NRK: variants seen among roughly 807,000 people sequenced by gnomAD.
NRK encodes the protein nik-related protein kinase.
A neutral mutation model predicts 125.2 loss-of-function variants in NRK; 67 were observed. That is an observed-to-expected ratio of 0.54 (90% CI 0.44 to 0.66). The LOEUF (loss-of-function observed/expected upper bound fraction) is 0.66, where lower values mean the gene tolerates loss of function less well. Among genes scored for constraint, NRK ranks in the 30% least tolerant of loss-of-function variants. NRK has a pLI of 0.00. For synonymous variants in NRK, 458 were observed against 429.0 expected (o/e 1.07, Z -0.84); for missense variants, 1,224 against 1,192.9 (o/e 1.03, Z -0.38).
rs771874766 is a variant in NRK at position 105,941,555 on chromosome X, A to AAGAGAGAGAGAGAGAG, written c.3958+1545_3958+1560dup. On this transcript the variant is annotated intron_variant, in intron 23 of 28. Coordinates refer to ENST00000243300, the MANE Select transcript of NRK (RefSeq NM_198465.4). Reference sequence around the variant, plus strand: ...TAAGCTAGACCCAGAGAGAGACAGAAAGAGAGAGAGAGAGAGAGAGAGAGA... The same window carrying AAGAGAGAGAGAGAGAG: ...TAAGCTAGACCCAGAGAGAGACAGAAAGAGAGAGAGAGAGAGAGAGAGAGAGAGAGAGAGAGAGAGA... Among the ~76,000 whole-genome samples the AAGAGAGAGAGAGAGAG allele has an allele frequency of 4.5e-4, 38 of 85,266 alleles. 1 individual carries two copies. Among genetic ancestry groups the AAGAGAGAGAGAGAGAG allele is most frequent in the African/African-American group, 1.7e-3 (36 of 21,466 alleles). The allele number at this position is 85,266 out of a possible 115,157, so 74.0% of individuals were successfully genotyped here.
intron 16 of NRK, among the ~76,000 whole-genome samples, chrX:105,920,617 G>C (rs2040429085): frequency 9.1e-6 from 1 of 110,219 alleles, no homozygotes; most frequent in Admixed American, 9.7e-5. Flanking sequence ...CACATCCCTT[G>C]TAAGTTGGAT....
At position 105,832,759 on chromosome X, in the gene NRK, C is replaced by G. The variant is rs190848650; in HGVS notation, c.123+1640C>G. The stretch of plus-strand genomic sequence containing the variant: ...TCCTATAGGGCCTGGTGCTGTGGCT[C>G]ACTCCTGTAATCCCAATACTTTGAG... On this transcript the variant is annotated intron_variant, in intron 2 of 28. Coordinates refer to ENST00000243300, the MANE Select transcript of NRK (RefSeq NM_198465.4). Among the ~76,000 whole-genome samples the G allele has an allele frequency of 3.1e-3, 346 of 111,265 alleles. No individual in the cohort carries two copies. In the South Asian group the frequency reaches 0.049, roughly 16 times the overall value.
intron 2 of NRK, among the ~76,000 whole-genome samples, chrX:105,848,645 C>T (rs910668719): frequency 8.9e-6 from 1 of 111,733 alleles, no homozygotes; most frequent in Non-Finnish European, 1.9e-5. Context: ...CATAAATCAG[C>T]CTTAAGTTAC....
chrX:105,955,556 A>T lies in NRK; in HGVS notation c.4705A>T (p.Thr1569Ser). Residue 1569 changes from threonine to serine, a missense_variant, in exon 29 of 29, where the codon ACA becomes TCA. By Grantham distance (58) the Thr-to-Ser change is moderately conservative. Transcript: ENST00000243300. ...RNHHSRVYFM[T>S]LGKLEELQSN... ...TCACCACAGCCGGGTTTACTTCATGACACTTGGAAAACTTGAAGAGCTCCA... is the reference window on the plus strand; with the variant it reads ...TCACCACAGCCGGGTTTACTTCATGTCACTTGGAAAACTTGAAGAGCTCCA... 2.7e-5 allele frequency: 32 copies of T among 1,190,921 alleles called. No individual in the cohort carries two copies. The highest frequency in any genetic ancestry group is 3.4e-5 in the Non-Finnish European group (30 of 881,270).
At chrX:105,900,487 T>C (rs772613206) in intron 8 of NRK, 131 bp from the exon 9 acceptor site, 46 of 461,409 alleles carry the variant, frequency 1.0e-4, no homozygotes, top group African/African-American at 9.0e-4. Context: ...ATAATAAAGC[T>C]TCATTATGGG....
rs767530501 is a variant in NRK at position 105,949,009 on chromosome X, GA to G, written c.4354-562del. Among the ~76,000 whole-genome samples, 10 of 111,026 alleles carry G rather than the reference GA, an allele frequency of 9.0e-5. No individual in the cohort carries two copies. The South Asian group carries it at 2.3e-3, about 25-fold the overall frequency. On this transcript the variant is annotated intron_variant, in intron 26 of 28. Coordinates refer to ENST00000243300, the MANE Select transcript of NRK (RefSeq NM_198465.4). ...AGTGCATTTGAAATTATATTAATTGGAAAAGAAATTCTAACTTTTTTGCAAA... is the reference window on the plus strand; with the variant it reads ...AGTGCATTTGAAATTATATTAATTGGAAAGAAATTCTAACTTTTTTGCAAA...
chrX:105,887,905 A>C, intron 4 of NRK, among the ~76,000 whole-genome samples: 1 of 112,255 alleles, frequency 8.9e-6, no homozygotes, highest in Non-Finnish European at 1.9e-5. Context: ...CTGTATAAAT[A>C]TACTAAAAAC....
At position 105,909,624 on chromosome X, in the gene NRK, G is replaced by T. The variant is rs368670973; in HGVS notation, c.1983G>T (p.Pro661=). 2 of 1,202,975 alleles carry T rather than the reference G, an allele frequency of 1.7e-6. No homozygotes were observed. The highest frequency in any genetic ancestry group is 2.2e-5 in the Admixed American group (1 of 45,053). Residue 661 remains proline, a synonymous_variant, in exon 13 of 29, where the codon CCG becomes CCT. Coordinates refer to ENST00000243300, the MANE Select transcript of NRK (RefSeq NM_198465.4). Reference sequence around the variant, plus strand: ...CAAATAACTCAAAGCCACTTGGTCCGTTGCAAACCCTGATGGAAAATCTGT... The same window carrying T: ...CAAATAACTCAAAGCCACTTGGTCCTTTGCAAACCCTGATGGAAAATCTGT... ...PNSNNSKPLG[P]LQTLMENLSS...
At chrX:105,847,512 G>A (rs771711858) in intron 2 of NRK, among the ~76,000 whole-genome samples, 1 of 112,087 alleles carries the variant, frequency 8.9e-6, no homozygotes, top group African/African-American at 3.2e-5. Context: ...AGCATGCCCA[G>A]TGCACAATAT....
intron 22 of NRK, among the ~76,000 whole-genome samples, chrX:105,937,914 C>T (rs369108804): frequency 1.8e-5 from 2 of 111,454 alleles, no homozygotes; most frequent in Admixed American, 9.5e-5. Context: ...CACCATGTCC[C>T]GTTCTTGTGA....
At chrX:105,930,492 T>C (rs1187241536) in intron 19 of NRK, among the ~76,000 whole-genome samples, 1 of 111,328 alleles carries the variant, frequency 9.0e-6, no homozygotes, top group African/African-American at 3.3e-5. Flanking sequence ...TTTCATTGAT[T>C]TGTCTATCTG....
chrX:105,845,196 A>G (rs1445061492), intron 2 of NRK, among the ~76,000 whole-genome samples: 4 of 111,987 alleles, frequency 3.6e-5, no homozygotes, highest in Non-Finnish European at 1.9e-5. Context: ...ACTTAGCCTC[A>G]ATCAAATTTT....
rs1923082159 is a variant in NRK at position 105,923,167 on chromosome X, C to A, written c.2660C>A (p.Thr887Lys). ...AAAATATCACCCCCTGTATACTTGACAAACGAATGGGTAGGCTATAATGCA... is the reference window on the plus strand; with the variant it reads ...AAAATATCACCCCCTGTATACTTGAAAAACGAATGGGTAGGCTATAATGCA... ...VGKISPPVYLTNEWVGYNALS... is the reference protein window; with the variant it reads ...VGKISPPVYLKNEWVGYNALS... Residue 887 changes from threonine (T) to lysine (K), a missense_variant, in exon 18 of 29, where the codon ACA becomes AAA. Physicochemically the swap from Thr to Lys is moderately conservative, Grantham distance 78 (BLOSUM62 -1). Coordinates refer to ENST00000243300, the MANE Select transcript of NRK (RefSeq NM_198465.4). 1 of 1,201,858 alleles carries A rather than the reference C, an allele frequency of 8.3e-7. No homozygotes were observed.
At chrX:105,888,831 C>T (rs149825632) in intron 5 of NRK, among the ~76,000 whole-genome samples, 1,703 of 110,685 alleles carry the variant, frequency 0.015, 36 homozygotes, top group African/African-American at 0.053. Flanking sequence ...TGGGAAAGAC[C>T]GGCCCCCATG....
At chrX:105,946,577 A>G (rs2147795111) in intron 26 of NRK, 113 bp downstream of exon 26, 1 of 540,635 alleles carries the variant, frequency 1.8e-6, no homozygotes, top group Non-Finnish European at 3.0e-6. Context: ...CTATACCGGA[A>G]CTGAGACATA....
rs754387637 is a variant in NRK at position 105,917,686 on chromosome X, C to G, written c.2512+14C>G. The G allele has an allele frequency of 2.0e-6, 2 of 997,126 alleles. No individual in the cohort carries two copies. The highest frequency in any genetic ancestry group is 2.7e-6 in the Non-Finnish European group (2 of 731,851). 82.2% of individuals were successfully genotyped at this position (997,126 alleles called of 1,213,427 possible). A position where few individuals can be genotyped will look rare whatever the true frequency, so the allele number is the denominator to read the frequency against. ...TGGCAGCATCAGGTGATTCAAAGCA[C>G]AAAATTTTAGCAGGCAAAACACAGA... On this transcript the variant is annotated intron_variant, in intron 16 of 28. Transcript: ENST00000243300.
chrX:105,862,149 A>C (rs898042492), intron 2 of NRK, among the ~76,000 whole-genome samples: 129 of 112,256 alleles, frequency 1.1e-3, no homozygotes, highest in African/African-American at 4.1e-3. Context: ...GTGATAAGAT[A>C]CAAATTGTGC....
chrX:105,822,703 C>G lies in NRK; in HGVS notation c.-143C>G. ...CTACACGTTTCCCCTCCTCTATCTC[C>G]CACGCCACGAACCCCGATCCCCAGA... On this transcript the variant is annotated 5_prime_UTR_variant, in exon 1 of 29. Coordinates refer to ENST00000243300, the MANE Select transcript of NRK (RefSeq NM_198465.4). The G allele has an allele frequency of 1.7e-6, 1 of 594,281 alleles. No homozygotes were observed. Among genetic ancestry groups the G allele is most frequent in the Non-Finnish European group, 2.8e-6 (1 of 355,215 alleles). The allele number at this position is 594,281 out of a possible 1,213,427, so 49.0% of individuals were successfully genotyped here.
intron 9 of NRK, among the ~76,000 whole-genome samples, chrX:105,903,832 A>G (rs761857136): frequency 8.9e-6 from 1 of 111,844 alleles, no homozygotes; most frequent in Non-Finnish European, 1.9e-5. Flanking sequence ...TTAATATTGT[A>G]CCAACTCCCT....
Sources: allele counts gnomAD v4.1 joint callset (sites outside exome capture counted in the v4.1 genomes callset), GRCh38; gene constraint gnomAD v4.1.1; transcripts MANE v1.5; gene names NCBI Gene and HGNC (gene_info 2026-07-23, HGNC 2026-07-21).